Variants in IL16 observed in about 807,000 individuals in gnomAD.
IL16 encodes the protein interleukin 16.
Under a neutral mutation model 110.1 loss-of-function variants are expected in IL16, and 67 were observed. The observed-to-expected ratio is 0.61, with a 90% CI of 0.50 to 0.75. The LOEUF (loss-of-function observed/expected upper bound fraction) is 0.75, where lower values mean the gene tolerates loss of function less well. IL16 is among the 30% of genes least tolerant of loss of function. The pLI is 0.00. For synonymous variants in IL16, 689 were observed against 662.9 expected (o/e 1.04, Z -0.61); for missense variants, 1,545 against 1,655.0 (o/e 0.93, Z 1.15).
chr15:81,208,217 G>A lies in IL16; in HGVS notation c.-102+11065G>A, dbSNP rs536424670. Among the ~76,000 whole-genome samples the A allele has an allele frequency of 4.6e-5, 7 of 152,102 alleles. No homozygotes were observed. The East Asian group carries it at 1.4e-3, about 29-fold the overall frequency. ...CATGTCCTTTGCCCATTTTTAATGG[G>A]GTTATTTGGTTTTTGCTTGTTGATT... On this transcript the variant is annotated intron_variant, in intron 1 of 18. Transcript: ENST00000683961.
intron 1 of IL16, among the ~76,000 whole-genome samples, chr15:81,204,401 C>A (rs1010748404): frequency 2.6e-4 from 39 of 152,062 alleles, no homozygotes; most frequent in African/African-American, 8.0e-4. Context: ...GTCTTGTGCC[C>A]GTTTTCAAAG....
chr15:81,207,418 G>T (rs1360792017), intron 1 of IL16, among the ~76,000 whole-genome samples: 1 of 151,892 alleles, frequency 6.6e-6, no homozygotes, highest in Admixed American at 6.6e-5. Flanking sequence ...CTTTATTTTA[G>T]ATACAGGGGA....
upstream of IL16, among the ~76,000 whole-genome samples, chr15:81,192,404 C>T (rs1455682662): frequency 6.6e-6 from 1 of 151,710 alleles, no homozygotes; most frequent in African/African-American, 2.4e-5. Context: ...AGTTCAAGAC[C>T]AGCCTGGGCA....
At chr15:81,210,475 G>T (rs1896198238) in intron 1 of IL16, among the ~76,000 whole-genome samples, 2 of 152,132 alleles carry the variant, frequency 1.3e-5, no homozygotes, top group South Asian at 4.1e-4. Context: ...AAACAATATT[G>T]ATTCTTCCAG....
At chr15:81,193,787 C>T (rs1001564790), upstream of IL16, among the ~76,000 whole-genome samples, 25 of 152,004 alleles carry the variant, frequency 1.6e-4, no homozygotes, top group Admixed American at 4.6e-4. Flanking sequence ...TGTTTGCATC[C>T]GTAAGTGGGG....
At chr15:81,235,723 A>C (rs1897157813) in intron 2 of IL16, among the ~76,000 whole-genome samples, 1 of 152,180 alleles carries the variant, frequency 6.6e-6, no homozygotes. Context: ...GAACTGAATG[A>C]GACTGGGAAC....
chr15:81,222,419 A>G (rs1369842425), intron 1 of IL16, among the ~76,000 whole-genome samples: 1 of 149,666 alleles, frequency 6.7e-6, no homozygotes, highest in Non-Finnish European at 1.5e-5. Context: ...TTTGGTTTGC[A>G]TAACTGCATA....
At chr15:81,273,403 T>C (rs1898738150) in intron 6 of IL16, among the ~76,000 whole-genome samples, 199 bp downstream of exon 6, 1 of 152,142 alleles carries the variant, frequency 6.6e-6, no homozygotes, top group African/African-American at 2.4e-5. Context: ...AGGTTGGTTG[T>C]GCATGTTTGC....
chr15:81,212,561 C>T (rs979315750), intron 1 of IL16, among the ~76,000 whole-genome samples: 3 of 152,012 alleles, frequency 2.0e-5, no homozygotes, highest in Admixed American at 6.6e-5. Flanking sequence ...AGCCTTGACT[C>T]CCTGGGCTCA....
chr15:81,231,629 T>C (rs1435657135), intron 2 of IL16, among the ~76,000 whole-genome samples: 1 of 152,170 alleles, frequency 6.6e-6, no homozygotes, highest in Non-Finnish European at 1.5e-5. Context: ...CACCTTGGCC[T>C]CCCACAGTGC....
chr15:81,225,979 T>C (rs1896777032), intron 2 of IL16, among the ~76,000 whole-genome samples: 1 of 152,112 alleles, frequency 6.6e-6, no homozygotes. Context: ...TGATGGAAAA[T>C]GCCAGATGCA....
At chr15:81,262,142 T>A (rs1056078570) in intron 3 of IL16, among the ~76,000 whole-genome samples, 2 of 152,242 alleles carry the variant, frequency 1.3e-5, no homozygotes, top group Non-Finnish European at 2.9e-5. Context: ...ATTTTGTTTT[T>A]GGTGAGTTTG....
At chr15:81,265,846 G>C (rs1435255838) in intron 4 of IL16, 45 bp downstream of exon 4, 23 of 1,567,122 alleles carry the variant, frequency 1.5e-5, no homozygotes, top group Non-Finnish European at 2.0e-5. Context: ...TTCTCCCGGG[G>C]AGAAGGGAGG....
chr15:81,260,947 A>G (rs1898129026), intron 3 of IL16, among the ~76,000 whole-genome samples: 1 of 152,216 alleles, frequency 6.6e-6, no homozygotes, highest in Non-Finnish European at 1.5e-5. Context: ...AAGGCTTTTT[A>G]TCTGTATTGC....
intron 1 of IL16, among the ~76,000 whole-genome samples, chr15:81,189,888 T>G (rs1566987040): frequency 6.6e-6 from 1 of 152,226 alleles, no homozygotes; most frequent in Non-Finnish European, 1.5e-5. Flanking sequence ...GATTTCTTAA[T>G]CTTTAAAAAT....
At chr15:81,288,561 C>T (rs552994701) in intron 10 of IL16, among the ~76,000 whole-genome samples, 6 of 152,180 alleles carry the variant, frequency 3.9e-5, no homozygotes, top group Non-Finnish European at 8.8e-5. Context: ...CCATCCGTCT[C>T]CAGAACTCTT....
chr15:81,301,228 C>A, intron 14 of IL16, 116 bp from the exon 15 acceptor site: 1 of 793,538 alleles, frequency 1.3e-6, no homozygotes, highest in Non-Finnish European at 2.0e-6. Flanking sequence ...TTTGTTGCAT[C>A]AAATAATATG....
In IL16 at chr15:81,299,878, C is replaced by T. The variant is rs1181997501; in HGVS notation, c.2552C>T (p.Ser851Phe). 3 of 1,613,500 alleles carry T rather than the reference C, an allele frequency of 1.9e-6. No individual in the cohort carries two copies. Among genetic ancestry groups the T allele is most frequent in the Non-Finnish European group, 2.5e-6 (3 of 1,180,014 alleles). ...ATCAGCTCCTTTGAAACCTTTGGCT[C>T]CTCTCAACTGCCTGACAAAGGAGCC... is the stretch of plus-strand genomic sequence containing the variant. ...QRISSFETFGSSQLPDKGAQR... is the reference protein window; with the variant it reads ...QRISSFETFGFSQLPDKGAQR... Residue 851 changes from serine (S) to phenylalanine (F), a missense_variant, in exon 14 of 19, where the codon TCC (serine) becomes TTC (phenylalanine). Ser to Phe is a radical substitution (Grantham distance 155). This residue lies in a region of IL16 where 1,185 missense variants were observed against 1,238.8 expected (regional missense o/e 0.96). Transcript: ENST00000683961.
rs370711144 is a variant in IL16, at chr15:81,225,649, G to A, written c.250G>A (p.Ala84Thr). Residue 84 changes from alanine (A) to threonine (T), a missense_variant, in exon 2 of 19, where the codon GCT becomes ACT. Ala to Thr is a moderately conservative substitution (Grantham distance 58). This residue lies in a region of IL16 where 1,185 missense variants were observed against 1,238.8 expected (regional missense o/e 0.96). Coordinates refer to ENST00000683961, the MANE Select transcript of IL16 (RefSeq NM_172217.5). ...TGATCTAGCACTGGCCTCGGAGGCT[G>A]CTCAACTCCAAGCAGCTGGGAATGA... ...VPDLALASEA[A>T]QLQAAGNDRG... The A allele has an allele frequency of 1.2e-6, 2 of 1,613,942 alleles. No homozygotes were observed. Among genetic ancestry groups the A allele is most frequent in the African/African-American group, 2.7e-5 (2 of 74,904 alleles).
Sources: allele counts gnomAD v4.1 joint callset (sites outside exome capture counted in the v4.1 genomes callset), GRCh38; gene constraint gnomAD v4.1.1; regional missense constraint gnomAD v4.1.1; transcripts MANE v1.5; gene names NCBI Gene and HGNC (gene_info 2026-07-23, HGNC 2026-07-21).